ESRRG: variants seen among roughly 807,000 people sequenced by gnomAD.
ESRRG encodes estrogen-related receptor gamma.
Under a neutral mutation model 44.0 loss-of-function variants are expected in ESRRG, and 13 were observed. That is an observed-to-expected ratio of 0.30 (90% CI 0.19 to 0.47). The LOEUF (loss-of-function observed/expected upper bound fraction) is 0.47. ESRRG is among the 20% of genes least tolerant of loss of function. The probability of loss-of-function intolerance (pLI) is 1.00; values close to 1 mark genes in which losing one functional copy is unlikely to be tolerated. For missense variants in ESRRG, 395 were observed against 580.6 expected (o/e 0.68, Z 3.29); for synonymous variants, 215 against 214.6 (o/e 1.00, Z -0.02).
rs528754574 is a variant in ESRRG at position 216,564,445 on chromosome 1, G to C, written c.701-65C>G. The C allele has an allele frequency of 1.2e-4, 152 of 1,301,500 alleles. No individual in the cohort carries two copies. The African/African-American group carries it at 2.2e-3, about 18-fold the overall frequency. 80.6% of individuals were successfully genotyped at this position (1,301,500 alleles called of 1,614,324 possible). On this transcript the variant is annotated intron_variant, in intron 4 of 6. Transcript: ENST00000408911. The stretch of plus-strand genomic sequence containing the variant: ...TATCATCCCTCTTTTATAAACCCTA[G>C]AGCATTTTGTGTTTTGAAAAACAAT...
chr1:217,126,788 A>G (rs2092896388), intron 1 of ESRRG, among the ~76,000 whole-genome samples: 1 of 152,176 alleles, frequency 6.6e-6, no homozygotes, highest in African/African-American at 2.4e-5. Context: ...TACTCTGCAT[A>G]TCCAATTATC....
At chr1:216,552,510 A>C (rs1381946816) in intron 5 of ESRRG, among the ~76,000 whole-genome samples, 2 of 152,172 alleles carry the variant, frequency 1.3e-5, no homozygotes, top group African/African-American at 4.8e-5. Context: ...TATATGTCAA[A>C]GATTAGACTG....
intron 1 of ESRRG, among the ~76,000 whole-genome samples, chr1:216,982,833 G>C (rs966687602): frequency 1.3e-5 from 2 of 152,226 alleles, no homozygotes; most frequent in African/African-American, 4.8e-5. Context: ...CATACAAAAG[G>C]TGACATCACA....
chr1:216,510,423 A>C lies in ESRRG; in HGVS notation c.1133-3240T>G, dbSNP rs1290909903. The stretch of plus-strand genomic sequence containing the variant: ...AACTTCCAATATTTTACTCTGTGAA[A>C]GAGATCCTAAAAAAATGTGTCTAGT... On this transcript the variant is annotated intron_variant, in intron 6 of 6. Coordinates refer to ENST00000408911, the MANE Select transcript of ESRRG (RefSeq NM_001438.4). Among the ~76,000 whole-genome samples the C allele has an allele frequency of 2.0e-5, 3 of 152,218 alleles. No individual in the cohort carries two copies. The East Asian group carries it at 5.8e-4, about 29-fold the overall frequency.
chr1:216,842,821 G>A (rs1381066744), intron 2 of ESRRG, among the ~76,000 whole-genome samples: 1 of 152,184 alleles, frequency 6.6e-6, no homozygotes, highest in African/African-American at 2.4e-5. Flanking sequence ...GTAAAAGAGT[G>A]TTGAAAACTG....
intron 2 of ESRRG, chr1:216,805,081 C>T (rs986687405): frequency 6.6e-6 from 1 of 152,146 alleles, no homozygotes; most frequent in Non-Finnish European, 1.5e-5. Flanking sequence ...CCTTTCCACA[C>T]CACGAACATG....
upstream of ESRRG, among the ~76,000 whole-genome samples, chr1:216,726,340 C>T (rs149735036): frequency 9.1e-4 from 139 of 152,248 alleles, 1 homozygote; most frequent in African/African-American, 3.0e-3. Flanking sequence ...TTTTAAAAAT[C>T]CTCTTCACTA....
At chr1:216,868,631 TA>T (rs1223656750) in intron 2 of ESRRG, among the ~76,000 whole-genome samples, 1 of 152,182 alleles carries the variant, frequency 6.6e-6, no homozygotes, top group Non-Finnish European at 1.5e-5. Context: ...TAACTGTATT[TA>T]AAAAGGGCTG....
chr1:216,978,594 C>T (rs1210058218), intron 1 of ESRRG, among the ~76,000 whole-genome samples: 1 of 152,150 alleles, frequency 6.6e-6, no homozygotes, highest in East Asian at 1.9e-4. Flanking sequence ...AACCTCTATC[C>T]ACATCTCTAG....
intron 2 of ESRRG, among the ~76,000 whole-genome samples, chr1:216,809,319 T>G (rs553156385): frequency 1.4e-4 from 16 of 113,890 alleles, no homozygotes; most frequent in South Asian, 3.3e-4. Context: ...GACTGCTTTT[T>G]TACAGTAAAA....
intron 1 of ESRRG, among the ~76,000 whole-genome samples, chr1:217,117,653 A>G (rs1338747659): frequency 6.6e-6 from 1 of 152,206 alleles, no homozygotes; most frequent in African/African-American, 2.4e-5. Flanking sequence ...TAAAGTTATT[A>G]TGGAATAATA....
At chr1:216,790,448 C>G (rs2094283743) in intron 2 of ESRRG, among the ~76,000 whole-genome samples, 1 of 151,972 alleles carries the variant, frequency 6.6e-6, no homozygotes, top group African/African-American at 2.4e-5. Context: ...AAAAGATAAA[C>G]TAATATAGGA....
intron 3 of ESRRG, among the ~76,000 whole-genome samples, chr1:216,590,345 A>G (rs2057442565): frequency 6.6e-6 from 1 of 152,162 alleles, no homozygotes; most frequent in Non-Finnish European, 1.5e-5. Flanking sequence ...GTTAAATTCC[A>G]GAAAAAAAAC....
At chr1:216,657,403 G>A (rs531407165) in intron 2 of ESRRG, among the ~76,000 whole-genome samples, 6 of 152,302 alleles carry the variant, frequency 3.9e-5, no homozygotes, top group African/African-American at 1.2e-4. Context: ...GCTTCCTTTA[G>A]AACTGCCACC....
chr1:216,610,675 T>TTGTGTG (rs56789156), intron 3 of ESRRG, among the ~76,000 whole-genome samples: 2 of 151,000 alleles, frequency 1.3e-5, no homozygotes, highest in African/African-American at 4.9e-5. Context: ...AAGAAAAAAA[T>TTGTGTG]TGTGTGTGTG....
intron 2 of ESRRG, among the ~76,000 whole-genome samples, chr1:216,932,196 T>C (rs2063452355): frequency 6.6e-6 from 1 of 152,000 alleles, no homozygotes; most frequent in African/African-American, 2.4e-5. Context: ...AGAGTGAAAC[T>C]CCATCTTTGG....
intron 2 of ESRRG, among the ~76,000 whole-genome samples, chr1:216,788,689 T>C (rs911090147): frequency 3.3e-5 from 5 of 152,162 alleles, no homozygotes; most frequent in African/African-American, 7.2e-5. Context: ...ATAGCTGCCA[T>C]AGACAGTGGT....
chr1:216,787,106 T>C (rs894317282), intron 2 of ESRRG, among the ~76,000 whole-genome samples: 3 of 152,132 alleles, frequency 2.0e-5, no homozygotes, highest in African/African-American at 7.2e-5. Flanking sequence ...AACTTTAAGG[T>C]GATCTGTGAT....
At chr1:216,526,106 G>A (rs955984059) in intron 5 of ESRRG, among the ~76,000 whole-genome samples, 1 of 152,116 alleles carries the variant, frequency 6.6e-6, no homozygotes, top group Non-Finnish European at 1.5e-5. Flanking sequence ...TTATAGTCAG[G>A]AAGTGATGTC....
Sources: allele counts gnomAD v4.1 joint callset (sites outside exome capture counted in the v4.1 genomes callset), GRCh38; gene constraint gnomAD v4.1.1; transcripts MANE v1.5; gene names NCBI Gene and HGNC (gene_info 2026-07-23, HGNC 2026-07-21).